PI4KA: variants seen among roughly 807,000 people sequenced by gnomAD.
The protein encoded by PI4KA is PI4-kinase alpha.
PI4KA carries 122 observed loss-of-function variants against 271.4 expected under a neutral mutation model. The observed-to-expected ratio is 0.45, with a 90% confidence interval of 0.39 to 0.52. The LOEUF (loss-of-function observed/expected upper bound fraction) is 0.52, where lower values mean the gene tolerates loss of function less well. Ranked by LOEUF, PI4KA falls within the 20% of genes least tolerant of loss-of-function variation. The pLI, the probability that PI4KA is intolerant of heterozygous loss-of-function variation, is 0.00. For missense variants in PI4KA, 1,969 were observed against 2,769.1 expected (o/e 0.71, Z 6.48); for synonymous variants, 1,041 against 1,078.8 (o/e 0.96, Z 0.69).
chr22:20,823,498 C>T lies in PI4KA; in HGVS notation c.456+828G>A, dbSNP rs578132956. Among the ~76,000 whole-genome samples the T allele has an allele frequency of 2.0e-3, 300 of 152,116 alleles. 1 individual carries two copies. Among genetic ancestry groups the T allele is most frequent in the Non-Finnish European group, 3.4e-3 (234 of 67,996 alleles). Reference sequence around the variant, plus strand: ...AGCATACAAAAACTAACTTTCTAAGCGATAAATTTAAGAAAAAGTTGTATG... The same window carrying T: ...AGCATACAAAAACTAACTTTCTAAGTGATAAATTTAAGAAAAAGTTGTATG... On this transcript the variant is annotated intron_variant, in intron 4 of 54. Coordinates refer to ENST00000255882, the MANE Select transcript of PI4KA (RefSeq NM_058004.4).
chr22:20,777,408 G>C (rs1884008878), intron 19 of PI4KA, among the ~76,000 whole-genome samples: 1 of 152,072 alleles, frequency 6.6e-6, no homozygotes, highest in South Asian at 2.1e-4. Context: ...TGTAGAGACA[G>C]GGTTTCTCCA....
intron 10 of PI4KA, among the ~76,000 whole-genome samples, chr22:20,805,832 C>CAAA (rs362153): frequency 9.5e-6 from 1 of 105,288 alleles, no homozygotes; most frequent in African/African-American, 3.5e-5. Flanking sequence ...ACTCCCATCT[C>CAAA]AAAAAAAAAA....
intron 22 of PI4KA, 163 bp downstream of exon 22, chr22:20,764,654 G>A (rs1244096537): frequency 6.5e-6 from 4 of 613,934 alleles, no homozygotes; most frequent in Non-Finnish European, 1.1e-5. Flanking sequence ...TGGTCATGAA[G>A]GAGGGGCATA....
chr22:20,749,965 A>C lies in PI4KA; in HGVS notation c.3183T>G (p.Cys1061Trp). The C allele has an allele frequency of 6.2e-7, 1 of 1,613,652 alleles. No individual in the cohort carries two copies. The highest frequency in any genetic ancestry group is 1.7e-4 in the Middle Eastern group (1 of 6,056). ...TCATGGCCTCCTGGAGGATCATCCC[A>C]CAGCGTGCAGCGAAGTCCTTCACAA... is the stretch of plus-strand genomic sequence containing the variant. ...ESIVKDFAAR[C>W]GMILQEAMKW... The change falls in exon 28 of 55, where the codon TGT (cysteine) becomes TGG (tryptophan). Residue 1061 changes from cysteine (C) to tryptophan (W), a missense_variant. Physicochemically the swap from Cys to Trp is radical, Grantham distance 215 (BLOSUM62 -2). Around this residue, in one of 13 missense-constraint regions of PI4KA, gnomAD observed 368 missense variants for 544.3 expected, o/e 0.68. Transcript: ENST00000255882.
chr22:20,792,856 G>A (rs1262377511), intron 19 of PI4KA, among the ~76,000 whole-genome samples: 1 of 152,210 alleles, frequency 6.6e-6, no homozygotes, highest in African/African-American at 2.4e-5. Flanking sequence ...GCAGGGAGCT[G>A]GCCCAGCATC....
At chr22:20,781,743 C>T (rs1339684420) in intron 19 of PI4KA, among the ~76,000 whole-genome samples, 2 of 152,234 alleles carry the variant, frequency 1.3e-5, no homozygotes, top group Non-Finnish European at 2.9e-5. Context: ...GATGAACACA[C>T]ATATCCTTTT....
At chr22:20,763,786 C>T (rs1470475600) in intron 22 of PI4KA, among the ~76,000 whole-genome samples, 1 of 152,180 alleles carries the variant, frequency 6.6e-6, no homozygotes, top group Non-Finnish European at 1.5e-5. Flanking sequence ...TCAACACTCC[C>T]TTGGCTCTGT....
intron 3 of PI4KA, among the ~76,000 whole-genome samples, chr22:20,825,378 T>C (rs1032453412): frequency 2.6e-5 from 4 of 152,092 alleles, no homozygotes; most frequent in African/African-American, 9.7e-5. Context: ...GCAGATCACT[T>C]GAGGCCAGGA....
intron 3 of PI4KA, among the ~76,000 whole-genome samples, chr22:20,826,002 C>T (rs764220257): frequency 6.6e-5 from 10 of 152,286 alleles, no homozygotes; most frequent in African/African-American, 1.2e-4. Context: ...TGTTGCTGTG[C>T]TAATTCTCCC....
chr22:20,801,793 G>A (rs1056222884), intron 14 of PI4KA, among the ~76,000 whole-genome samples, 180 bp downstream of exon 14: 2 of 152,154 alleles, frequency 1.3e-5, no homozygotes, highest in African/African-American at 4.8e-5. Context: ...GGCTGAGGCA[G>A]GAAAATAGCT....
intron 42 of PI4KA, chr22:20,725,520 G>T: frequency 2.2e-6 from 1 of 449,776 alleles, no homozygotes; most frequent in Non-Finnish European, 4.5e-6. Flanking sequence ...TAGTATGACA[G>T]GTGTTCTTAT....
In PI4KA at chr22:20,729,435, G is replaced by A. The variant is rs759761226; in HGVS notation, c.4560C>T (p.Ala1520=). 9.9e-6 allele frequency: 16 copies of A among 1,612,604 alleles called. No individual in the cohort carries two copies. Among genetic ancestry groups the A allele is most frequent in the African/African-American group, 4.0e-5 (3 of 74,904 alleles). The change falls in exon 39 of 55, where the codon GCC becomes GCT. Residue 1520 remains alanine, a synonymous_variant. Coordinates refer to ENST00000255882, the MANE Select transcript of PI4KA (RefSeq NM_058004.4). ...TCCAGTTGGCCACGCTGTTCTCTCC[G>A]GCCTGGTCTAGTTCCAGTTCCGGGG... is the stretch of plus-strand genomic sequence containing the variant. ...LSAPELELDQ[A]GENSVANWRS... is the part of the protein sequence containing the mutation.
chr22:20,838,847 G>T, intron 1 of PI4KA, 116 bp from the exon 2 acceptor site: 1 of 631,716 alleles, frequency 1.6e-6, no homozygotes, highest in East Asian at 2.8e-5. Flanking sequence ...GGAGGCTGAG[G>T]TGGGAGGATA....
intron 19 of PI4KA, among the ~76,000 whole-genome samples, chr22:20,766,852 G>A (rs1471641588): frequency 6.6e-6 from 1 of 152,132 alleles, no homozygotes; most frequent in Non-Finnish European, 1.5e-5. Context: ...AGGTGGGAGA[G>A]ATGAAGACAC....
At chr22:20,725,369 T>C (rs1388042280) in intron 42 of PI4KA, 1 of 258,484 alleles carries the variant, frequency 3.9e-6, no homozygotes, top group Non-Finnish European at 8.4e-6. Flanking sequence ...GAGCACTTTA[T>C]GTCCATGGAT....
Position 20,795,861 on chromosome 22 carries a change from G to A in PI4KA, c.2277+285C>T, listed in dbSNP as rs141713440. ...ATGATAAAGGCAAGGACAGAGAGAGGTGCCCGTGGGGAGCTGAGGCTAGAC... is the reference window on the plus strand; with the variant it reads ...ATGATAAAGGCAAGGACAGAGAGAGATGCCCGTGGGGAGCTGAGGCTAGAC... On this transcript the variant is annotated intron_variant, in intron 18 of 54. Transcript: ENST00000255882. 3.6e-3 allele frequency among the ~76,000 whole-genome samples: 549 copies of A among 152,216 alleles called. 2 individuals carry two copies. The highest frequency in any genetic ancestry group is 0.013 in the African/African-American group (530 of 41,544).
Position 20,729,302 on chromosome 22 carries a change from C to CG in PI4KA, c.4682+10dup. 1.9e-6 allele frequency: 3 copies of CG among 1,608,604 alleles called. No individual in the cohort carries two copies. Among genetic ancestry groups the CG allele is most frequent in the Non-Finnish European group, 2.5e-6 (3 of 1,177,402 alleles). On this transcript the variant is annotated intron_variant, in intron 39 of 54. Coordinates refer to ENST00000255882, the MANE Select transcript of PI4KA (RefSeq NM_058004.4). ...GAGGCCTGTGTCAGGCTGTGGTGCC[C>CG]GGGGGCCCACCTGGCAGGCAGCTGC...
chr22:20,747,706 A>G lies in PI4KA; in HGVS notation c.3244-4T>C. On this transcript the variant is annotated splice_polypyrimidine_tract_variant and splice_region_variant and intron_variant, in intron 28 of 54. Coordinates refer to ENST00000255882, the MANE Select transcript of PI4KA (RefSeq NM_058004.4). Reference sequence around the variant, plus strand: ...TCTGATGTTTGTTCAGATATTCCTGAAATAGGAAAAACACATGGGGTTTCA... The same window carrying G: ...TCTGATGTTTGTTCAGATATTCCTGGAATAGGAAAAACACATGGGGTTTCA... 1 of 1,612,332 alleles carries G rather than the reference A, an allele frequency of 6.2e-7. No individual in the cohort carries two copies.
rs150837939 is a variant in PI4KA, at chr22:20,727,796, C to T, written c.4751G>A (p.Ser1584Asn). ...TACCTTGATTGCTTCAGGCACATCACTAACGGCTCCCGGGTCCAACCGAAC... is the reference window on the plus strand; with the variant it reads ...TACCTTGATTGCTTCAGGCACATCATTAACGGCTCCCGGGTCCAACCGAAC... ...RLVRLDPGAV[S>N]DVPEAIKFLV... The change falls in exon 40 of 55, where the codon AGT becomes AAT. Residue 1584 changes from serine (S) to asparagine (N), a missense_variant. Ser to Asn is a conservative substitution (Grantham distance 46). This residue lies in a region of PI4KA where 388 missense variants were observed against 521.5 expected (regional missense o/e 0.74). Coordinates refer to ENST00000255882, the MANE Select transcript of PI4KA (RefSeq NM_058004.4). The T allele has an allele frequency of 9.9e-6, 16 of 1,614,002 alleles. No homozygotes were observed. The highest frequency in any genetic ancestry group is 5.0e-5 in the Admixed American group (3 of 59,998).
Sources: gnomAD v4.1 joint callset for allele counts (sites outside exome capture counted in the v4.1 genomes callset) on GRCh38, gnomAD v4.1.1 for gene constraint, gnomAD v4.1.1 regional missense constraint, MANE v1.5 for transcripts, NCBI Gene and HGNC (gene_info 2026-07-23, HGNC 2026-07-21) for gene names.